VPS16: variants seen among roughly 807,000 people sequenced by gnomAD.
VPS16 encodes the protein vacuolar protein sorting-associated protein 16 homolog.
A neutral mutation model predicts 116.0 loss-of-function variants in VPS16; 82 were observed. The observed-to-expected ratio is 0.71, with a 90% CI of 0.59 to 0.85. The LOEUF (loss-of-function observed/expected upper bound fraction) is 0.85. Ranked by LOEUF, VPS16 falls within the 40% of genes least tolerant of loss-of-function variation. VPS16 has a pLI of 0.00. For missense variants in VPS16, 928 were observed against 1,090.6 expected, an observed-to-expected ratio of 0.85 and a Z score of 2.10; for synonymous variants, 406 against 420.7, an observed-to-expected ratio of 0.96 and a Z score of 0.43.
chr20:2,864,826 C>T lies in VPS16; in HGVS notation c.1927-152C>T. The T allele has an allele frequency of 8.5e-7, 1 of 1,177,486 alleles. No homozygotes were observed. The highest frequency in any genetic ancestry group is 2.4e-5 in the East Asian group (1 of 40,860). 72.9% of individuals were successfully genotyped at this position (1,177,486 alleles called of 1,614,324 possible). A position where few individuals can be genotyped will look rare whatever the true frequency, so the allele number is the denominator to read the frequency against. On this transcript the variant is annotated intron_variant, in intron 19 of 23. Coordinates refer to ENST00000380445, the MANE Select transcript of VPS16 (RefSeq NM_022575.4). This position sits in a 1 kb window ranked among gnomAD's most constrained non-coding sequence, Gnocchi z 5.2. ...GGGGGTTAGTGTCAGAGGAGCTAGC[C>T]ATCCCTCTAGGACATCAGAGTGGTG... is the stretch of plus-strand genomic sequence containing the variant.
rs376393424 is a variant in VPS16 at position 2,865,045 on chromosome 20, T to G, written c.1994T>G (p.Phe665Cys). The G allele has an allele frequency of 9.9e-6, 16 of 1,614,038 alleles. No individual in the cohort carries two copies. In the African/African-American group the frequency reaches 1.9e-4, roughly 19 times the overall value. Residue 665 changes from phenylalanine to cysteine, a missense_variant, in exon 20 of 24, where the codon TTT becomes TGT. Phe to Cys is a radical substitution (Grantham distance 205). Transcript: ENST00000380445. This position sits in a 1 kb window ranked among gnomAD's most constrained non-coding sequence, Gnocchi z 5.2. The stretch of plus-strand genomic sequence containing the variant: ...GCCTTCTACAAGGCCAAGAATGAGT[T>G]TGCAGCCAAGGTTTGGCCCACCTTT... Reference protein sequence around the residue: ...ADAFYKAKNEFAAKATEDQMR... With the variant: ...ADAFYKAKNECAAKATEDQMR...
chr20:2,844,343 T>C (rs150861273), intron 1 of VPS16, among the ~76,000 whole-genome samples: 1 of 152,344 alleles, frequency 6.6e-6, no homozygotes, highest in East Asian at 1.9e-4. Flanking sequence ...GACAGGATTC[T>C]TTTGTATTGG....
At position 2,862,680 on chromosome 20, in the gene VPS16, C is replaced by A. The variant is rs771301671; in HGVS notation, c.1173C>A (p.His391Gln). ...GCATTGAGGCTGCAGGACATGAGCA[C>A]CAGCCAGACATGCAGAAGAGTCTGC... is the stretch of plus-strand genomic sequence containing the variant. ...QQCIEAAGHE[H>Q]QPDMQKSLLR... Residue 391 changes from histidine to glutamine, a missense_variant, in exon 12 of 24, where the codon CAC becomes CAA. Coordinates refer to ENST00000380445, the MANE Select transcript of VPS16 (RefSeq NM_022575.4). The A allele has an allele frequency of 6.2e-7, 1 of 1,612,268 alleles. No homozygotes were observed. Among genetic ancestry groups the A allele is most frequent in the South Asian group, 1.1e-5 (1 of 91,020 alleles).
chr20:2,850,699 A>G (rs12479972), intron 1 of VPS16, among the ~76,000 whole-genome samples: 3,903 of 151,950 alleles, frequency 0.026, 141 homozygotes, highest in African/African-American at 0.076. Flanking sequence ...TGGACATGGT[A>G]GCTCACGCCT....
At position 2,864,493 on chromosome 20, in the gene VPS16, C is replaced by A. The variant is rs751634540; in HGVS notation, c.1818+31C>A. On this transcript the variant is annotated intron_variant, in intron 18 of 23. Coordinates refer to ENST00000380445, the MANE Select transcript of VPS16 (RefSeq NM_022575.4). This position sits in a 1 kb window ranked among gnomAD's most constrained non-coding sequence, Gnocchi z 5.2. The stretch of plus-strand genomic sequence containing the variant: ...TGTAGTGGGCAGGGTTGTGGTGTAG[C>A]CTTCTGAGCACTTGAGTTGGCCTTG... 3 of 1,613,926 alleles carry A rather than the reference C, an allele frequency of 1.9e-6. No individual in the cohort carries two copies. In the African/African-American group the frequency reaches 4.0e-5, roughly 22 times the overall value.
Position 2,865,360 on chromosome 20 carries a change from G to A in VPS16, c.2175-39G>A. The stretch of plus-strand genomic sequence containing the variant: ...CTGCATGTGGGTCCCAGGACCACCT[G>A]CCTCTCCTGCAACACCTCCAAGCCC... On this transcript the variant is annotated intron_variant, in intron 21 of 23. Transcript: ENST00000380445. The surrounding 1 kb of genome is among the most constrained non-coding windows in gnomAD (Gnocchi z 5.2). 1 of 1,614,008 alleles carries A rather than the reference G, an allele frequency of 6.2e-7. No individual in the cohort carries two copies. Among genetic ancestry groups the A allele is most frequent in the Non-Finnish European group, 8.5e-7 (1 of 1,179,896 alleles).
At position 2,864,133 on chromosome 20, in the gene VPS16, C is replaced by CA. The variant is rs776186793; in HGVS notation, c.1612-46_1612-45insA. The CA allele has an allele frequency of 6.2e-7, 1 of 1,613,822 alleles. No homozygotes were observed. The highest frequency in any genetic ancestry group is 8.5e-7 in the Non-Finnish European group (1 of 1,179,730). On this transcript the variant is annotated intron_variant, in intron 16 of 23. Transcript: ENST00000380445. The surrounding 1 kb of genome is among the most constrained non-coding windows in gnomAD (Gnocchi z 5.2). ...ACACTCTGATGTGGTTGTTCAGGGC[C>CA]CCCATGCCAGCTCCTTCTCTCTGTG...
In VPS16 at chr20:2,865,263, G is replaced by A. The variant is rs1339664419; in HGVS notation, c.2120G>A (p.Gly707Asp). ...ACAGTTACCACCCTCATTCTTGGCG[G>A]TCACAACAAGCGTGCAGAGCAGCTG... ...HDTVTTLILG[G>D]HNKRAEQLAR... Residue 707 changes from glycine (G) to aspartate (D), a missense_variant, in exon 21 of 24, where the codon GGT becomes GAT. Coordinates refer to ENST00000380445, the MANE Select transcript of VPS16 (RefSeq NM_022575.4). This position sits in a 1 kb window ranked among gnomAD's most constrained non-coding sequence, Gnocchi z 5.2. 1 of 1,614,014 alleles carries A rather than the reference G, an allele frequency of 6.2e-7. No homozygotes were observed. Among genetic ancestry groups the A allele is most frequent in the Non-Finnish European group, 8.5e-7 (1 of 1,180,044 alleles).
chr20:2,840,916 A>C (rs1180249739), intron 1 of VPS16, 89 bp downstream of exon 1: 17 of 1,315,220 alleles, frequency 1.3e-5, no homozygotes, highest in African/African-American at 9.0e-5. Context: ...CCCTGTCACT[A>C]CTGGCGCTGG....
intron 1 of VPS16, among the ~76,000 whole-genome samples, chr20:2,848,044 C>T (rs763525875): frequency 3.4e-4 from 51 of 152,114 alleles, no homozygotes; most frequent in Non-Finnish European, 6.8e-4. Context: ...TGCAGAACCA[C>T]CTTCCAGTGC....
Position 2,864,598 on chromosome 20 carries a change from G to A in VPS16, c.1870G>A (p.Asp624Asn), listed in dbSNP as rs139017081. Residue 624 changes from aspartate to asparagine, a missense_variant, in exon 19 of 24, where the codon GAC becomes AAC. Coordinates refer to ENST00000380445, the MANE Select transcript of VPS16 (RefSeq NM_022575.4). This position sits in a 1 kb window ranked among gnomAD's most constrained non-coding sequence, Gnocchi z 5.2. ...GCTGAAGGACCTTTACAATCAGGAT[G>A]ACAATCACCAGGAATTGGGCAGCTT... ...ETLKDLYNQD[D>N]NHQELGSFHI... 1.9e-6 allele frequency: 3 copies of A among 1,614,142 alleles called. No homozygotes were observed. The highest frequency in any genetic ancestry group is 2.5e-6 in the Non-Finnish European group (3 of 1,180,028).
chr20:2,842,855 T>TA lies in VPS16; in HGVS notation c.53+2028_53+2029insA, dbSNP rs1568621049. ...ATAGATGTATCTATCGATAGATAGA[T>TA]GTATCTATCGATAGATAGATAGATG... On this transcript the variant is annotated intron_variant, in intron 1 of 23. Coordinates refer to ENST00000380445, the MANE Select transcript of VPS16 (RefSeq NM_022575.4). Among the ~76,000 whole-genome samples, 17 of 149,052 alleles carry TA rather than the reference T, an allele frequency of 1.1e-4. 1 individual carries two copies. Among genetic ancestry groups the TA allele is most frequent in the Admixed American group, 7.4e-4 (11 of 14,786 alleles).
At position 2,864,478 on chromosome 20, in the gene VPS16, A is replaced by G. The variant is rs1215096573; in HGVS notation, c.1818+16A>G. 3 of 1,614,070 alleles carry G rather than the reference A, an allele frequency of 1.9e-6. No homozygotes were observed. The highest frequency in any genetic ancestry group is 2.5e-6 in the Non-Finnish European group (3 of 1,180,000). The stretch of plus-strand genomic sequence containing the variant: ...GTACCGACAGGTGTGTGTAGTGGGC[A>G]GGGTTGTGGTGTAGCCTTCTGAGCA... On this transcript the variant is annotated intron_variant, in intron 18 of 23. Transcript: ENST00000380445. This position sits in a 1 kb window ranked among gnomAD's most constrained non-coding sequence, Gnocchi z 5.2.
chr20:2,845,225 G>C (rs2089046634), intron 1 of VPS16, among the ~76,000 whole-genome samples: 1 of 152,004 alleles, frequency 6.6e-6, no homozygotes, highest in Non-Finnish European at 1.5e-5. Context: ...GAAGTAAAGT[G>C]GAAGAAATTC....
At chr20:2,843,608 A>G (rs2089031178) in intron 1 of VPS16, among the ~76,000 whole-genome samples, 1 of 152,236 alleles carries the variant, frequency 6.6e-6, no homozygotes, top group Non-Finnish European at 1.5e-5. Context: ...TAGTTGATAC[A>G]ACATTCACTT....
chr20:2,861,082 C>T lies in VPS16; in HGVS notation c.743C>T (p.Ala248Val), dbSNP rs2089222951. The T allele has an allele frequency of 6.2e-7, 1 of 1,614,228 alleles. No individual in the cohort carries two copies. The highest frequency in any genetic ancestry group is 8.5e-7 in the Non-Finnish European group (1 of 1,180,036). The part of the protein sequence containing the change: ...TDTGYIWMGT[A>V]SLKEKLCEFN... ...ACAGGCTACATCTGGATGGGGACAG[C>T]ATCACTCAAGGTATGATCCTGGGGC... The change falls in exon 7 of 24, where the codon GCA (alanine) becomes GTA (valine). Residue 248 changes from alanine to valine, a missense_variant. Coordinates refer to ENST00000380445, the MANE Select transcript of VPS16 (RefSeq NM_022575.4).
In VPS16 at chr20:2,863,216, T is replaced by C; in HGVS notation, c.1368-74T>C. The C allele has an allele frequency of 6.2e-7, 1 of 1,608,510 alleles. No homozygotes were observed. The highest frequency in any genetic ancestry group is 1.1e-5 in the South Asian group (1 of 90,948). On this transcript the variant is annotated intron_variant, in intron 14 of 23. Coordinates refer to ENST00000380445, the MANE Select transcript of VPS16 (RefSeq NM_022575.4). The surrounding 1 kb of genome is among the most constrained non-coding windows in gnomAD (Gnocchi z 4.4). ...TATCTAGGATGTGGGAGGCCTGATG[T>C]GCAGGCTGAGGCCACTCTGCTCCCT... is the stretch of plus-strand genomic sequence containing the variant.
chr20:2,863,933 C>T lies in VPS16; in HGVS notation c.1477-16C>T. 3.1e-6 allele frequency: 5 copies of T among 1,611,874 alleles called. No individual in the cohort carries two copies. In the South Asian group the frequency reaches 5.5e-5, roughly 18 times the overall value. On this transcript the variant is annotated splice_polypyrimidine_tract_variant and intron_variant, in intron 15 of 23. Transcript: ENST00000380445. This position sits in a 1 kb window ranked among gnomAD's most constrained non-coding sequence, Gnocchi z 4.4. ...AATGGCATCCAGATGTTTGTGACAC[C>T]CCGCATCCCTTGCAGGTGCAACAGA...
At chr20:2,849,441 C>T (rs566535591) in intron 1 of VPS16, among the ~76,000 whole-genome samples, 16 of 151,974 alleles carry the variant, frequency 1.1e-4, no homozygotes, top group African/African-American at 2.9e-4. Flanking sequence ...GCTGGGATTA[C>T]AGGCATGCGC....
Sources: gnomAD v4.1 joint callset for allele counts (sites outside exome capture counted in the v4.1 genomes callset) on GRCh38, gnomAD v4.1.1 for gene constraint, Gnocchi (gnomAD v3.1) non-coding constraint, MANE v1.5 for transcripts, NCBI Gene and HGNC (gene_info 2026-07-23, HGNC 2026-07-21) for gene names.